Variants in NCAPH2 observed in about 807,000 individuals in gnomAD.
NCAPH2 encodes non-SMC condensin II complex subunit H2.
NCAPH2 carries 56 observed loss-of-function variants against 88.6 expected under a neutral mutation model. The ratio of observed to expected loss-of-function variants is 0.63; its 90% CI spans 0.51 to 0.79. NCAPH2 has a LOEUF of 0.79. NCAPH2 is among the 30% of genes least tolerant of loss of function. The probability of loss-of-function intolerance (pLI) is 0.00; values close to 1 mark genes in which losing one functional copy is unlikely to be tolerated. For synonymous variants in NCAPH2, 378 were observed against 313.6 expected, an observed-to-expected ratio of 1.21 and a Z score of -2.17; for missense variants, 794 against 792.0, an observed-to-expected ratio of 1.00 and a Z score of -0.03.
chr22:50,514,855 C>T (rs1306412810), intron 1 of NCAPH2, among the ~76,000 whole-genome samples: 1 of 152,224 alleles, frequency 6.6e-6, no homozygotes, highest in African/African-American at 2.4e-5. Context: ...CTTCGTGCTA[C>T]CATGGTGCCT....
chr22:50,515,626 G>T, intron 1 of NCAPH2: 1 of 938,256 alleles, frequency 1.1e-6, no homozygotes, highest in South Asian at 1.6e-5. Flanking sequence ...TCGATCTCCT[G>T]ACCTCATGAT....
At chr22:50,519,546 G>T in intron 9 of NCAPH2, 1 of 1,312,448 alleles carries the variant, frequency 7.6e-7, no homozygotes, top group Non-Finnish European at 9.7e-7. Flanking sequence ...CCTCAGAGTA[G>T]TGGGCTGGCG....
At chr22:50,521,949 T>C (rs373237423) in intron 12 of NCAPH2, 37 bp from the exon 13 acceptor site, 274 of 1,613,684 alleles carry the variant, frequency 1.7e-4, no homozygotes, top group Middle Eastern at 8.2e-4. Flanking sequence ...TGTGGGCAGC[T>C]CTTGGCCTGG....
At chr22:50,519,599 G>A in intron 9 of NCAPH2, 1 of 1,234,020 alleles carries the variant, frequency 8.1e-7, no homozygotes, top group East Asian at 3.4e-5. Flanking sequence ...AACCTGGGAT[G>A]GCCGCCGGTT....
At position 50,524,053 on chromosome 22, in the gene NCAPH2, C is replaced by T. The variant is rs768674109; in HGVS notation, c.*678C>T. 2.6e-5 allele frequency: 42 copies of T among 1,613,296 alleles called. No individual in the cohort carries two copies. The highest frequency in any genetic ancestry group is 3.3e-5 in the South Asian group (3 of 91,088). On this transcript the variant is annotated 3_prime_UTR_variant, in exon 20 of 20. Transcript: ENST00000420993. ...AAAGTACATCAGCACCCACTGGCCC[C>T]GGAAGTCAGCCTTGCAGCGAGCCCG...
intron 1 of NCAPH2, chr22:50,515,824 A>C: frequency 1.6e-6 from 2 of 1,279,216 alleles, no homozygotes; most frequent in Non-Finnish European, 2.0e-6. Context: ...TACTCTGTGG[A>C]CAGCTATGAA....
At chr22:50,514,029 C>T (rs961190206) in intron 1 of NCAPH2, among the ~76,000 whole-genome samples, 2 of 152,178 alleles carry the variant, frequency 1.3e-5, no homozygotes, top group Non-Finnish European at 2.9e-5. Flanking sequence ...ATTACTTGAA[C>T]CCAGGAGGCG....
At chr22:50,515,495 C>T (rs977116137) in intron 1 of NCAPH2, among the ~76,000 whole-genome samples, 6 of 152,162 alleles carry the variant, frequency 3.9e-5, no homozygotes, top group Non-Finnish European at 5.9e-5. Context: ...CTCCCAGGTT[C>T]ATGCCATTCT....
chr22:50,521,056 G>A lies in NCAPH2; in HGVS notation c.933+20G>A. ...GTGAAGGTAGGAGTGTTGGGGCCCTGACCCCCGGCAGGGAGGGATGGGCGG... is the reference window on the plus strand; with the variant it reads ...GTGAAGGTAGGAGTGTTGGGGCCCTAACCCCCGGCAGGGAGGGATGGGCGG... On this transcript the variant is annotated intron_variant, in intron 10 of 19. Transcript: ENST00000420993. 6.5e-7 allele frequency: 1 copy of A among 1,548,972 alleles called. No individual in the cohort carries two copies. Among genetic ancestry groups the A allele is most frequent in the Non-Finnish European group, 8.7e-7 (1 of 1,146,560 alleles).
At position 50,523,933 on chromosome 22, in the gene NCAPH2, A is replaced by T. The variant is rs755433769; in HGVS notation, c.*558A>T. ...GTCCACAGTGATGAAGACAGGCTGC[A>T]CTGGAGGCAAACCAGGCTCTGCTTC... is the stretch of plus-strand genomic sequence containing the variant. On this transcript the variant is annotated 3_prime_UTR_variant, in exon 20 of 20. Transcript: ENST00000420993. 4 of 1,612,836 alleles carry T rather than the reference A, an allele frequency of 2.5e-6. No homozygotes were observed. The Admixed American group carries it at 6.7e-5, about 27-fold the overall frequency.
chr22:50,515,757 C>A, intron 1 of NCAPH2: 11 of 1,295,150 alleles, frequency 8.5e-6, no homozygotes, highest in Non-Finnish European at 1.0e-5. Flanking sequence ...GATGAGCCAG[C>A]GTTGGGGAAG....
rs768483694 is a variant in NCAPH2 at position 50,518,296 on chromosome 22, G to C, written c.646+18G>C. On this transcript the variant is annotated intron_variant, in intron 7 of 19. Coordinates refer to ENST00000420993, the MANE Select transcript of NCAPH2 (RefSeq NM_152299.4). ...CCAGAAGGGTGAGGGCTTGGATGCG[G>C]GGGGCTTGGTGGGAAGGAAGGGAGG... is the stretch of plus-strand genomic sequence containing the variant. 2.5e-6 allele frequency: 4 copies of C among 1,609,140 alleles called. No homozygotes were observed. In the Admixed American group the frequency reaches 5.0e-5, roughly 20 times the overall value.
intron 1 of NCAPH2, among the ~76,000 whole-genome samples, chr22:50,515,324 G>T (rs1302810183): frequency 6.6e-6 from 1 of 151,968 alleles, no homozygotes; most frequent in African/African-American, 2.4e-5. Context: ...GCTTTGGGAG[G>T]CTGAGGCAGG....
intron 1 of NCAPH2, among the ~76,000 whole-genome samples, chr22:50,513,740 C>T (rs994790647): frequency 6.6e-6 from 1 of 152,004 alleles, no homozygotes; most frequent in Non-Finnish European, 1.5e-5. Flanking sequence ...CCAGCCTGGA[C>T]AACAGAGCGA....
intron 1 of NCAPH2, among the ~76,000 whole-genome samples, chr22:50,509,430 G>A (rs998778543): frequency 1.3e-5 from 2 of 152,058 alleles, no homozygotes; most frequent in Non-Finnish European, 2.9e-5. Flanking sequence ...AAATGACACC[G>A]CTGTTCAACC....
At chr22:50,515,079 G>A (rs2068878831) in intron 1 of NCAPH2, among the ~76,000 whole-genome samples, 1 of 152,228 alleles carries the variant, frequency 6.6e-6, no homozygotes, top group Admixed American at 6.5e-5. Context: ...CTGAACAGAA[G>A]GCTGGAATTA....
chr22:50,520,900 C>CT (rs2069069920), intron 9 of NCAPH2, 65 bp from the exon 10 acceptor site: 1 of 1,533,300 alleles, frequency 6.5e-7, no homozygotes, highest in Non-Finnish European at 8.8e-7. Context: ...GGTGGAGTTC[C>CT]TGGGGTACCC....
In NCAPH2 at chr22:50,524,521, C is replaced by T. The variant is rs2069244779; in HGVS notation, c.*1146C>T. 1 of 1,108,680 alleles carries T rather than the reference C, an allele frequency of 9.0e-7. No homozygotes were observed. The highest frequency in any genetic ancestry group is 1.3e-6 in the Non-Finnish European group (1 of 741,164). 68.7% of individuals were successfully genotyped at this position (1,108,680 alleles called of 1,614,324 possible). A position where few individuals can be genotyped will look rare whatever the true frequency, so the allele number is the denominator to read the frequency against. On this transcript the variant is annotated 3_prime_UTR_variant, in exon 20 of 20. Transcript: ENST00000420993. ...TGAGACCAGCCACCCATCTGAAGGA[C>T]CCAGCCCACGTTCAGGCTTAACAGG...
chr22:50,516,397 A>G, intron 1 of NCAPH2, 50 bp from the exon 2 acceptor site: 1 of 1,571,306 alleles, frequency 6.4e-7, no homozygotes, highest in South Asian at 1.1e-5. Flanking sequence ...GGAAGAAGCG[A>G]GTGCAGACTG....
Sources: allele counts gnomAD v4.1 joint callset (sites outside exome capture counted in the v4.1 genomes callset), GRCh38; gene constraint gnomAD v4.1.1; transcripts MANE v1.5; gene names NCBI Gene and HGNC (gene_info 2026-07-23, HGNC 2026-07-21).